Variants in OR1L6 observed in about 807,000 individuals in gnomAD.
OR1L6 encodes the protein olfactory receptor family 1 subfamily L member 6, also known as olfactory receptor 1L6.
A neutral mutation model predicts 3.0 loss-of-function variants in OR1L6; 2 were observed. The observed-to-expected ratio is 0.68, with a 90% CI of 0.28 to 2.13. OR1L6 has a LOEUF of 2.13. OR1L6 is among the 30% of genes most tolerant of loss of function. The probability of loss-of-function intolerance (pLI) is 0.14; values close to 1 mark genes in which losing one functional copy is unlikely to be tolerated. For synonymous variants in OR1L6, 121 were observed against 148.4 expected, an observed-to-expected ratio of 0.82 and a Z score of 1.34; for missense variants, 304 against 378.4, an observed-to-expected ratio of 0.80 and a Z score of 1.63.
chr9:122,747,556 ATC>A (rs1315572765), intron 1 of OR1L6, among the ~76,000 whole-genome samples: 1 of 152,064 alleles, frequency 6.6e-6, no homozygotes, highest in Admixed American at 6.5e-5. Context: ...TGATACAAAT[ATC>A]TCTGTTTATT....
Position 122,745,739 on chromosome 9 carries a change from C to A in OR1L6, c.-14+3366C>A, listed in dbSNP as rs1305005763. On this transcript the variant is annotated intron_variant, in intron 1 of 1. Transcript: ENST00000304720. ...ACACACCTTTGTTTTTAAATACAGACAATACAATATAAAGTTAAGTATGAA... is the reference window on the plus strand; with the variant it reads ...ACACACCTTTGTTTTTAAATACAGAAAATACAATATAAAGTTAAGTATGAA... 2.0e-5 allele frequency among the ~76,000 whole-genome samples: 3 copies of A among 151,834 alleles called. No homozygotes were observed. In the East Asian group the frequency reaches 5.8e-4, roughly 29 times the overall value.
chr9:122,743,381 A>C (rs1412702387), intron 1 of OR1L6, among the ~76,000 whole-genome samples: 3 of 152,230 alleles, frequency 2.0e-5, no homozygotes, highest in Non-Finnish European at 4.4e-5. Flanking sequence ...CTAAGTAGGA[A>C]ATAAGAAATT....
In OR1L6 at chr9:122,750,682, T is replaced by C. The variant is rs774194552; in HGVS notation, c.835T>C (p.Tyr279His). 5 of 1,613,974 alleles carry C rather than the reference T, an allele frequency of 3.1e-6. No individual in the cohort carries two copies. The East Asian group carries it at 1.1e-4, about 36-fold the overall frequency. ...VVRDRVATVM[Y>H]TVVTPMLNPF... The stretch of plus-strand genomic sequence containing the variant: ...TAGGGACCGGGTAGCCACAGTTATG[T>C]ACACAGTAGTGACACCCATGCTGAA... Residue 279 changes from tyrosine (Y) to histidine (H), a missense_variant, in exon 2 of 2, where the codon TAC becomes CAC. Transcript: ENST00000304720.
intron 1 of OR1L6, 196 bp from the exon 2 acceptor site, chr9:122,749,639 C>T (rs367866667): frequency 2.5e-5 from 16 of 644,152 alleles, no homozygotes; most frequent in South Asian, 3.7e-5. Context: ...ACCCGAGAGG[C>T]GGAGCTTGCA....
At chr9:122,749,379 T>A (rs916205184) in intron 1 of OR1L6, among the ~76,000 whole-genome samples, 5 of 152,208 alleles carry the variant, frequency 3.3e-5, no homozygotes, top group Non-Finnish European at 7.3e-5. Flanking sequence ...ATTCTCCTGA[T>A]CCATGAGCAT....
rs758401272 is a variant in OR1L6 at position 122,750,251 on chromosome 9, T to C, written c.404T>C (p.Val135Ala). The change falls in exon 2 of 2, where the codon GTG (valine) becomes GCG (alanine). Residue 135 changes from valine (V) to alanine (A), a missense_variant. Physicochemically the swap from Val to Ala is moderately conservative, Grantham distance 64 (BLOSUM62 0). This residue lies in a region of OR1L6 where 192 missense variants were observed against 242.7 expected (regional missense o/e 0.79). Transcript: ENST00000304720. ...VAICNPLHYD[V>A]VMKPRHCLLM... ...ATCTGCAACCCCTTACACTATGATG[T>C]GGTTATGAAACCACGGCATTGCCTG... is the stretch of plus-strand genomic sequence containing the variant. 2.0e-5 allele frequency: 32 copies of C among 1,614,130 alleles called. No individual in the cohort carries two copies. The African/African-American group carries it at 3.7e-4, about 19-fold the overall frequency.
At chr9:122,747,410 A>G (rs549740612) in intron 1 of OR1L6, among the ~76,000 whole-genome samples, 88 of 152,074 alleles carry the variant, frequency 5.8e-4, no homozygotes, top group African/African-American at 1.7e-3. Flanking sequence ...AAATTATTTC[A>G]TCTGTTCTTA....
At position 122,749,907 on chromosome 9, in the gene OR1L6, C is replaced by T; in HGVS notation, c.60C>T (p.Ser20=). The change falls in exon 2 of 2, where the codon TCC becomes TCT. Residue 20 remains serine, a synonymous_variant. Transcript: ENST00000304720. Reference sequence around the variant, plus strand: ...GCTTCATCCTCCTGGGCCTCTCTTCCAACCCTCAGCTGCAGAAACCTCTCT... The same window carrying T: ...GCTTCATCCTCCTGGGCCTCTCTTCTAACCCTCAGCTGCAGAAACCTCTCT... The part of the protein sequence containing the change: ...TSGFILLGLS[S]NPQLQKPLFA... The T allele has an allele frequency of 1.2e-6, 2 of 1,614,166 alleles. No individual in the cohort carries two copies. Among genetic ancestry groups the T allele is most frequent in the Admixed American group, 1.7e-5 (1 of 60,016 alleles).
At chr9:122,748,235 G>T (rs1828854986) in intron 1 of OR1L6, among the ~76,000 whole-genome samples, 1 of 152,044 alleles carries the variant, frequency 6.6e-6, no homozygotes, top group Admixed American at 6.5e-5. Flanking sequence ...ACAATAAGGA[G>T]CATTGATTAA....
chr9:122,748,694 ACTT>A (rs1165100280), intron 1 of OR1L6, among the ~76,000 whole-genome samples: 1 of 152,044 alleles, frequency 6.6e-6, no homozygotes, highest in Admixed American at 6.6e-5. Context: ...CCTGACCCCC[ACTT>A]CTTCTGAGTC....
chr9:122,743,811 G>A lies in OR1L6; in HGVS notation c.-14+1438G>A, dbSNP rs192445857. On this transcript the variant is annotated intron_variant, in intron 1 of 1. Coordinates refer to ENST00000304720, the MANE Select transcript of OR1L6 (RefSeq NM_001004453.3). ...AGGCAGAAATGCGTGTAGGAAGGAA[G>A]GAAATCAAAAGGATCCCAATATGTA... Among the ~76,000 whole-genome samples, 13 of 152,322 alleles carry A rather than the reference G, an allele frequency of 8.5e-5. No homozygotes were observed. In the East Asian group the frequency reaches 2.1e-3, roughly 25 times the overall value.
At chr9:122,747,428 A>G (rs115441406) in intron 1 of OR1L6, among the ~76,000 whole-genome samples, 2,650 of 152,054 alleles carry the variant, frequency 0.017, 84 homozygotes, top group African/African-American at 0.061. Context: ...TTAGCCATTT[A>G]TTCATCTAGG....
chr9:122,746,719 A>G (rs1828840831), intron 1 of OR1L6, among the ~76,000 whole-genome samples: 1 of 152,222 alleles, frequency 6.6e-6, no homozygotes, highest in Admixed American at 6.5e-5. Flanking sequence ...GCTAGTATAC[A>G]TGAGGATCTA....
chr9:122,744,692 C>T (rs1429344402), intron 1 of OR1L6, among the ~76,000 whole-genome samples: 1 of 152,166 alleles, frequency 6.6e-6, no homozygotes, highest in Non-Finnish European at 1.5e-5. Flanking sequence ...TGTCATTTCT[C>T]TAGCTTATTG....
chr9:122,747,438 G>A (rs1828847193), intron 1 of OR1L6, among the ~76,000 whole-genome samples: 1 of 151,654 alleles, frequency 6.6e-6, no homozygotes, highest in South Asian at 2.1e-4. Context: ...ATTCATCTAG[G>A]TGAATTTTAG....
At chr9:122,748,533 T>C (rs1828857979) in intron 1 of OR1L6, among the ~76,000 whole-genome samples, 1 of 152,218 alleles carries the variant, frequency 6.6e-6, no homozygotes, top group Non-Finnish European at 1.5e-5. Context: ...ATCTTTATCT[T>C]TCATTTGTAT....
chr9:122,745,755 T>A (rs1386417238), intron 1 of OR1L6, among the ~76,000 whole-genome samples: 1 of 152,100 alleles, frequency 6.6e-6, no homozygotes, highest in Non-Finnish European at 1.5e-5. Context: ...AATATAAAGT[T>A]AAGTATGAAA....
rs781334467 is a variant in OR1L6 at position 122,749,901 on chromosome 9, C to T, written c.54C>T (p.Leu18=). 1.2e-6 allele frequency: 2 copies of T among 1,614,198 alleles called. No homozygotes were observed. The highest frequency in any genetic ancestry group is 1.7e-6 in the Non-Finnish European group (2 of 1,180,032). Residue 18 remains leucine, a synonymous_variant, in exon 2 of 2, where the codon CTC becomes CTT. Coordinates refer to ENST00000304720, the MANE Select transcript of OR1L6 (RefSeq NM_001004453.3). ...SSTSGFILLG[L]SSNPQLQKPL... is the part of the protein sequence containing the mutation. ...CCTCAGGCTTCATCCTCCTGGGCCT[C>T]TCTTCCAACCCTCAGCTGCAGAAAC...
At chr9:122,744,033 C>A (rs1288376736) in intron 1 of OR1L6, among the ~76,000 whole-genome samples, 1 of 152,138 alleles carries the variant, frequency 6.6e-6, no homozygotes. Flanking sequence ...CTAGATACAC[C>A]ACTCACCAGC....
Sources: gnomAD v4.1 joint callset for allele counts (sites outside exome capture counted in the v4.1 genomes callset) on GRCh38, gnomAD v4.1.1 for gene constraint, gnomAD v4.1.1 regional missense constraint, MANE v1.5 for transcripts, NCBI Gene and HGNC (gene_info 2026-07-23, HGNC 2026-07-21) for gene names.